The following LRP1B variants were observed in gnomAD, a reference collection of about 807,000 sequenced individuals.
The protein encoded by LRP1B is LDL receptor related protein 1B, also known as low-density lipoprotein receptor-related protein 1B.
LRP1B carries 217 observed loss-of-function variants against 556.6 expected under a neutral mutation model. The ratio of observed to expected loss-of-function variants is 0.39; its 90% CI spans 0.35 to 0.44. The LOEUF (loss-of-function observed/expected upper bound fraction) is 0.44. Ranked by LOEUF, LRP1B falls within the 20% of genes least tolerant of loss-of-function variation. The pLI is 1.00. For missense variants in LRP1B, 5,053 were observed against 5,620.8 expected (o/e 0.90, Z 3.23); for synonymous variants, 2,047 against 1,865.8 (o/e 1.10, Z -2.50).
chr2:141,567,687 T>G (rs1354765297), intron 2 of LRP1B, among the ~76,000 whole-genome samples: 1 of 151,774 alleles, frequency 6.6e-6, no homozygotes, highest in Non-Finnish European at 1.5e-5. Context: ...GAAATTACAT[T>G]AGGTATGTGG....
At chr2:140,256,085 A>G (rs937151704) in intron 86 of LRP1B, among the ~76,000 whole-genome samples, 7 of 152,178 alleles carry the variant, frequency 4.6e-5, no homozygotes, top group Non-Finnish European at 8.8e-5. Flanking sequence ...ATTTTATGTA[A>G]AAAACAAATA....
intron 43 of LRP1B, among the ~76,000 whole-genome samples, chr2:140,596,923 T>C (rs1682464843): frequency 6.6e-6 from 1 of 152,176 alleles, no homozygotes; most frequent in African/African-American, 2.4e-5. Flanking sequence ...CAATCAGTGA[T>C]TTAGCTAGTA....
chr2:141,898,652 T>C (rs369778919), intron 1 of LRP1B, among the ~76,000 whole-genome samples: 2 of 152,112 alleles, frequency 1.3e-5, no homozygotes, highest in African/African-American at 4.8e-5. Flanking sequence ...AGACCATATA[T>C]GAAAGCCTCT....
chr2:140,505,965 G>T (rs919671893), intron 53 of LRP1B, among the ~76,000 whole-genome samples: 1 of 151,936 alleles, frequency 6.6e-6, no homozygotes, highest in East Asian at 1.9e-4. Flanking sequence ...GTTGTAGGTT[G>T]TATAGATATT....
At chr2:141,178,798 G>A (rs1408442887) in intron 7 of LRP1B, among the ~76,000 whole-genome samples, 1 of 151,946 alleles carries the variant, frequency 6.6e-6, no homozygotes, top group Non-Finnish European at 1.5e-5. Flanking sequence ...GTATTCCAAG[G>A]CCCTATGAGA....
At chr2:140,930,233 C>T (rs975712153) in intron 20 of LRP1B, among the ~76,000 whole-genome samples, 28 of 151,984 alleles carry the variant, frequency 1.8e-4, no homozygotes, top group African/African-American at 6.3e-4. Context: ...TTTCATGTTG[C>T]TGATGCCAGT....
intron 7 of LRP1B, among the ~76,000 whole-genome samples, chr2:141,179,293 C>T (rs1395191486): frequency 1.3e-5 from 2 of 151,868 alleles, no homozygotes; most frequent in Admixed American, 1.3e-4. Flanking sequence ...ATTCCCAATG[C>T]TACATTTGGA....
intron 32 of LRP1B, among the ~76,000 whole-genome samples, chr2:140,795,551 A>ACCATATCAGAT (rs1690274319): frequency 6.6e-6 from 1 of 152,152 alleles, no homozygotes; most frequent in Admixed American, 6.5e-5. Flanking sequence ...CTTTTCTTAC[A>ACCATATCAGAT]CCATATCAGA....
chr2:141,554,144 G>A (rs1235337535), intron 2 of LRP1B, among the ~76,000 whole-genome samples: 1 of 142,460 alleles, frequency 7.0e-6, no homozygotes, highest in African/African-American at 2.6e-5. Context: ...TATATGAATA[G>A]ACATAGATAT....
chr2:141,780,062 T>A (rs937809608), intron 2 of LRP1B, among the ~76,000 whole-genome samples: 6 of 150,272 alleles, frequency 4.0e-5, no homozygotes, highest in African/African-American at 1.5e-4. Flanking sequence ...CCATACTAGA[T>A]AATTTGCATA....
chr2:140,359,372 C>CA (rs1254951440), intron 72 of LRP1B, among the ~76,000 whole-genome samples: 1 of 151,760 alleles, frequency 6.6e-6, no homozygotes, highest in African/African-American at 2.4e-5. Context: ...TGAAAACAAA[C>CA]AAAAATCCCA....
intron 6 of LRP1B, among the ~76,000 whole-genome samples, chr2:141,196,285 C>T (rs1681747723): frequency 6.6e-6 from 1 of 152,020 alleles, no homozygotes; most frequent in African/African-American, 2.4e-5. Context: ...ACGTCAAGTG[C>T]ATTTACTTTC....
chr2:141,257,842 T>C (rs1205829083), intron 3 of LRP1B, among the ~76,000 whole-genome samples: 11 of 152,254 alleles, frequency 7.2e-5, no homozygotes, highest in Admixed American at 7.2e-4. Flanking sequence ...AAAGCAATAC[T>C]AATTATTAGA....
rs776933496 is a variant in LRP1B at position 140,335,735 on chromosome 2, G to A, written c.11996C>T (p.Thr3999Ile). 15 of 1,611,704 alleles carry A rather than the reference G, an allele frequency of 9.3e-6. No homozygotes were observed. The highest frequency in any genetic ancestry group is 1.3e-5 in the African/African-American group (1 of 74,786). Residue 3999 changes from threonine (T) to isoleucine (I), a missense_variant, in exon 78 of 91, where the codon ACT (threonine) becomes ATT (isoleucine). Thr to Ile is a moderately conservative substitution (Grantham distance 89). This residue lies in a region of LRP1B where 599 missense variants were observed against 648.4 expected (regional missense o/e 0.92). Coordinates refer to ENST00000389484, the MANE Select transcript of LRP1B (RefSeq NM_018557.3). The part of the protein sequence containing the change: ...SRMHWFSYYT[T>I]HWTSLRYSIN... Reference sequence around the variant, plus strand: ...AGAGTACCTCAGACTGGTCCAGTGAGTAGTGTAGTAACTGAACCAATGCAT... The same window carrying A: ...AGAGTACCTCAGACTGGTCCAGTGAATAGTGTAGTAACTGAACCAATGCAT...
intron 2 of LRP1B, among the ~76,000 whole-genome samples, chr2:141,759,346 T>G (rs1401506453): frequency 1.3e-5 from 2 of 152,018 alleles, no homozygotes; most frequent in Non-Finnish European, 2.9e-5. Flanking sequence ...AAAATAACGA[T>G]ACAAAGGAAA....
intron 7 of LRP1B, among the ~76,000 whole-genome samples, chr2:141,187,929 G>GT (rs1681329616): frequency 6.6e-6 from 1 of 151,864 alleles, no homozygotes; most frequent in East Asian, 1.9e-4. Flanking sequence ...GTCATCGAAC[G>GT]TAAGAGTCTG....
In LRP1B at chr2:141,008,930, C is replaced by A. The variant is rs534283083; in HGVS notation, c.2381-3473G>T. ...ACATTTCACAAGCCTATATTAACAT[C>A]TCAATGTTTTTAGACCTTAGCAGTT... On this transcript the variant is annotated intron_variant, in intron 14 of 90. Transcript: ENST00000389484. 7.2e-5 allele frequency among the ~76,000 whole-genome samples: 11 copies of A among 152,020 alleles called. No individual in the cohort carries two copies. In the South Asian group the frequency reaches 2.3e-3, roughly 31 times the overall value.
chr2:141,764,627 C>T (rs544103745), intron 2 of LRP1B, among the ~76,000 whole-genome samples: 92 of 152,242 alleles, frequency 6.0e-4, no homozygotes, highest in African/African-American at 2.1e-3. Flanking sequence ...ACCCTGCTGA[C>T]ACCCTGATCT....
At chr2:141,661,420 G>GT (rs1690216841) in intron 2 of LRP1B, among the ~76,000 whole-genome samples, 1 of 152,184 alleles carries the variant, frequency 6.6e-6, no homozygotes, top group South Asian at 2.1e-4. Context: ...TGCAAAGAAG[G>GT]TAAGAACCAT....
Sources: allele counts gnomAD v4.1 joint callset (sites outside exome capture counted in the v4.1 genomes callset), GRCh38; gene constraint gnomAD v4.1.1; regional missense constraint gnomAD v4.1.1; transcripts MANE v1.5; gene names NCBI Gene and HGNC (gene_info 2026-07-23, HGNC 2026-07-21).